Variants in NTM observed in about 807,000 individuals in gnomAD.
NTM encodes the protein IgLON family member 2.
A neutral mutation model predicts 42.1 loss-of-function variants in NTM; 13 were observed. That is an observed-to-expected ratio of 0.31 (90% CI 0.20 to 0.49). NTM has a LOEUF of 0.49. Ranked by LOEUF, NTM falls within the 20% of genes least tolerant of loss-of-function variation. The pLI is 0.99. For missense variants in NTM, 373 were observed against 452.8 expected (o/e 0.82, Z 1.60); for synonymous variants, 187 against 179.2 (o/e 1.04, Z -0.35).
chr11:131,688,974 C>G (rs533617860), intron 1 of NTM, among the ~76,000 whole-genome samples: 42 of 152,090 alleles, frequency 2.8e-4, no homozygotes, highest in Non-Finnish European at 4.7e-4. Flanking sequence ...AGGACACACT[C>G]TTAGTTAGCT....
At chr11:132,261,500 A>G (rs550188954) in intron 4 of NTM, among the ~76,000 whole-genome samples, 2 of 152,208 alleles carry the variant, frequency 1.3e-5, no homozygotes, top group Non-Finnish European at 1.5e-5. Flanking sequence ...TGCACTGGGA[A>G]GAGGAAAGAT....
rs557004839 is a variant in NTM at position 132,296,505 on chromosome 11, A to C, written c.527-11184A>C. Among the ~76,000 whole-genome samples, 7 of 152,316 alleles carry C rather than the reference A, an allele frequency of 4.6e-5. No homozygotes were observed. In the South Asian group the frequency reaches 1.5e-3, roughly 32 times the overall value. ...TTCAGACCCAATATATGAGTATTTGAGTCATAAATAAACAGCCACATTTTA... is the reference window on the plus strand; with the variant it reads ...TTCAGACCCAATATATGAGTATTTGCGTCATAAATAAACAGCCACATTTTA... On this transcript the variant is annotated intron_variant, in intron 4 of 8. Transcript: ENST00000683400.
intron 1 of NTM, among the ~76,000 whole-genome samples, chr11:131,528,794 A>G (rs546072109): frequency 1.3e-5 from 2 of 152,294 alleles, no homozygotes; most frequent in Admixed American, 1.3e-4. Flanking sequence ...TCTACATCTA[A>G]CAGCCTATGA....
rs757581864 is a variant in NTM at position 131,866,045 on chromosome 11, TAC to T, written c.83-45510_83-45509del. 5.2e-4 allele frequency among the ~76,000 whole-genome samples: 74 copies of T among 143,536 alleles called. 2 individuals are homozygous for T. The South Asian group carries it at 6.9e-3, about 13-fold the overall frequency. The allele number at this position is 143,536 out of a possible 152,430, so 94.2% of individuals were successfully genotyped here. A position where few individuals can be genotyped will look rare whatever the true frequency, so the allele number is the denominator to read the frequency against. ...TCACACATGCTACATACACACATGC[TAC>T]ACACACACTACACACACACCCCACA... On this transcript the variant is annotated intron_variant, in intron 1 of 8. Transcript: ENST00000683400.
intron 1 of NTM, among the ~76,000 whole-genome samples, chr11:131,835,353 G>T (rs917268714): frequency 6.6e-6 from 1 of 151,820 alleles, no homozygotes; most frequent in South Asian, 2.1e-4. Context: ...TTCACGATAC[G>T]TATATGAAAA....
At chr11:132,010,792 A>G (rs1171538810) in intron 2 of NTM, among the ~76,000 whole-genome samples, 1 of 151,956 alleles carries the variant, frequency 6.6e-6, no homozygotes, top group African/African-American at 2.4e-5. Context: ...ACAATTGTAC[A>G]GTTTCCTGAA....
At chr11:131,463,380 C>A (rs1287700836) in intron 1 of NTM, among the ~76,000 whole-genome samples, 2 of 152,210 alleles carry the variant, frequency 1.3e-5, no homozygotes, top group Non-Finnish European at 1.5e-5. Context: ...AGCTCTGCCC[C>A]CCAGTGCGTG....
At chr11:132,234,051 C>G (rs998374729) in intron 4 of NTM, among the ~76,000 whole-genome samples, 1 of 152,230 alleles carries the variant, frequency 6.6e-6, no homozygotes, top group Non-Finnish European at 1.5e-5. Context: ...GACTAGTCAT[C>G]TCTGCCTCCA....
chr11:131,637,818 G>A (rs371030497), intron 1 of NTM, among the ~76,000 whole-genome samples: 72 of 152,118 alleles, frequency 4.7e-4, no homozygotes, highest in African/African-American at 1.5e-3. Flanking sequence ...AAGGTATCTC[G>A]CAGAGATGTT....
In NTM at chr11:131,598,850, TTCCTTCCTTCCTTCC is replaced by T. The variant is rs1565686577; in HGVS notation, c.82+227964_82+227978del. 4.0e-3 allele frequency among the ~76,000 whole-genome samples: 198 copies of T among 49,282 alleles called. 27 individuals carry two copies. The highest frequency in any genetic ancestry group is 0.011 in the African/African-American group (191 of 16,688). The allele number at this position is 49,282 out of a possible 152,430, so 32.3% of individuals were successfully genotyped here. ...TCTTCTTTCTTTCTTTCTTTCTTTC[TTCCTTCCTTCCTTCC>T]TTCCTTCCTTCTTCCTTCCTTCCTT... On this transcript the variant is annotated intron_variant, in intron 1 of 8. Transcript: ENST00000683400.
At chr11:131,643,872 C>T (rs909933501) in intron 1 of NTM, among the ~76,000 whole-genome samples, 7 of 152,174 alleles carry the variant, frequency 4.6e-5, no homozygotes, top group African/African-American at 1.4e-4. Context: ...GTCTCCAGAC[C>T]TGAGACCAGA....
chr11:131,384,549 G>T (rs1385384081), intron 1 of NTM, among the ~76,000 whole-genome samples: 1 of 123,452 alleles, frequency 8.1e-6, no homozygotes, highest in Non-Finnish European at 1.7e-5. Context: ...TATTTCAAAA[G>T]GTTTTCTAAT....
intron 2 of NTM, among the ~76,000 whole-genome samples, chr11:132,000,442 A>G (rs1415390655): frequency 6.6e-6 from 1 of 152,138 alleles, no homozygotes; most frequent in Admixed American, 6.5e-5. Flanking sequence ...CAGTTTATTT[A>G]CCATAAGCAT....
intron 2 of NTM, among the ~76,000 whole-genome samples, chr11:131,998,457 A>G: frequency 6.6e-6 from 1 of 152,218 alleles, no homozygotes; most frequent in South Asian, 2.1e-4. Flanking sequence ...CACCCTGGCC[A>G]GCCCTCCACC....
intron 4 of NTM, among the ~76,000 whole-genome samples, chr11:132,216,599 T>C (rs1217332632): frequency 6.6e-6 from 1 of 152,180 alleles, no homozygotes; most frequent in Non-Finnish European, 1.5e-5. Context: ...ATGTCCTCCT[T>C]TCCAGTTTAT....
At chr11:131,910,112 G>A (rs1162641855) in intron 1 of NTM, 1 of 152,240 alleles carries the variant, frequency 6.6e-6, no homozygotes, top group Non-Finnish European at 1.5e-5. Context: ...GTAGTGTTGA[G>A]TCTCTGGGGT....
chr11:132,216,546 T>C lies in NTM; in HGVS notation c.526+4399T>C, dbSNP rs1172759729. ...CTAGATAACACGTTGTACTGAGATA[T>C]TGGTAGGGATATTCAGCAAAGCCCT... On this transcript the variant is annotated intron_variant, in intron 4 of 8. Coordinates refer to ENST00000683400, the MANE Select transcript of NTM (RefSeq NM_001352005.2). 2.6e-5 allele frequency among the ~76,000 whole-genome samples: 4 copies of C among 152,188 alleles called. No homozygotes were observed. In the East Asian group the frequency reaches 5.8e-4, roughly 22 times the overall value.
intron 4 of NTM, among the ~76,000 whole-genome samples, chr11:132,213,531 C>G (rs539033799): frequency 1.3e-5 from 2 of 152,108 alleles, no homozygotes; most frequent in African/African-American, 4.8e-5. Flanking sequence ...GGCATAAGTC[C>G]TCTGCTCCTG....
At chr11:132,327,968 T>C (rs1382846506) in intron 7 of NTM, among the ~76,000 whole-genome samples, 2 of 152,192 alleles carry the variant, frequency 1.3e-5, no homozygotes, top group African/African-American at 4.8e-5. Context: ...AAACGCATGC[T>C]TGACAAGCTT....
Sources: allele counts gnomAD v4.1 joint callset (sites outside exome capture counted in the v4.1 genomes callset), GRCh38; gene constraint gnomAD v4.1.1; transcripts MANE v1.5; gene names NCBI Gene and HGNC (gene_info 2026-07-23, HGNC 2026-07-21).